The following CLEC19A variants were observed in gnomAD, a reference collection of about 807,000 sequenced individuals.
CLEC19A encodes C-type lectin domain containing 19A.
CLEC19A carries 21 observed loss-of-function variants against 26.1 expected under a neutral mutation model. The observed-to-expected ratio is 0.80, with a 90% CI of 0.57 to 1.16. The LOEUF is 1.16. CLEC19A is among the 50% of genes most tolerant of loss of function. CLEC19A has a pLI of 0.00. For missense variants in CLEC19A, 224 were observed against 227.6 expected (o/e 0.98, Z 0.10); for synonymous variants, 89 against 88.6 (o/e 1.00, Z -0.03).
chr16:19,307,508 G>A (rs1897981563), intron 3 of CLEC19A, 37 bp from the exon 4 acceptor site: 2 of 1,545,174 alleles, frequency 1.3e-6, no homozygotes, highest in African/African-American at 2.7e-5. Context: ...CTTCTTCTTG[G>A]CTTGCTTCTT....
chr16:19,286,218 G>A (rs986069590), intron 1 of CLEC19A, among the ~76,000 whole-genome samples: 3 of 152,200 alleles, frequency 2.0e-5, no homozygotes, highest in Non-Finnish European at 4.4e-5. Context: ...AAGTTGGGTC[G>A]CAATGGCATT....
chr16:19,293,836 G>A (rs1364625607), intron 1 of CLEC19A, among the ~76,000 whole-genome samples: 1 of 152,164 alleles, frequency 6.6e-6, no homozygotes, highest in Non-Finnish European at 1.5e-5. Context: ...CATACAGTGT[G>A]TAATAATCAC....
Position 19,307,517 on chromosome 16 carries a change from T to C in CLEC19A, c.349-28T>C, listed in dbSNP as rs776857639. ...CCTGATCTTCTTCTTGGCTTGCTTC[T>C]TTGTCTCTTTGGGTGGAACCCTCCC... is the stretch of plus-strand genomic sequence containing the variant. On this transcript the variant is annotated intron_variant, in intron 3 of 4. Coordinates refer to ENST00000636231, the MANE Select transcript of CLEC19A (RefSeq NM_001256720.2). 3 of 1,546,396 alleles carry C rather than the reference T, an allele frequency of 1.9e-6. No individual in the cohort carries two copies. The South Asian group carries it at 3.6e-5, about 18-fold the overall frequency.
intron 4 of CLEC19A, among the ~76,000 whole-genome samples, chr16:19,308,498 G>A (rs1898002610): frequency 6.6e-6 from 1 of 152,190 alleles, no homozygotes; most frequent in African/African-American, 2.4e-5. Flanking sequence ...GCATCATCAT[G>A]AATCATCACT....
chr16:19,287,021 CTTTT>C (rs550913735), intron 1 of CLEC19A, among the ~76,000 whole-genome samples: 1 of 123,148 alleles, frequency 8.1e-6, no homozygotes. Context: ...AGGTATCCTT[CTTTT>C]TTTTTTTTTT....
At chr16:19,301,189 A>ACTT (rs1454882726) in intron 2 of CLEC19A, among the ~76,000 whole-genome samples, 1 of 152,234 alleles carries the variant, frequency 6.6e-6, no homozygotes, top group African/African-American at 2.4e-5. Context: ...CCCTCATTGT[A>ACTT]CTTGCAACCT....
chr16:19,287,632 G>A (rs1567250695), intron 1 of CLEC19A, among the ~76,000 whole-genome samples: 1 of 152,318 alleles, frequency 6.6e-6, no homozygotes, highest in East Asian at 1.9e-4. Context: ...CAGCAAAAGT[G>A]GGAAGGGGCC....
chr16:19,309,118 A>C lies in CLEC19A; in HGVS notation c.*35A>C. On this transcript the variant is annotated 3_prime_UTR_variant, in exon 5 of 5. Transcript: ENST00000636231. ...GTCCTACTGGTGTGAGCTCAACTCTAGTATCATCTTGTAGCTGTAACCAGT... is the reference window on the plus strand; with the variant it reads ...GTCCTACTGGTGTGAGCTCAACTCTCGTATCATCTTGTAGCTGTAACCAGT... 2 of 1,452,276 alleles carry C rather than the reference A, an allele frequency of 1.4e-6. No individual in the cohort carries two copies. Among genetic ancestry groups the C allele is most frequent in the Admixed American group, 2.0e-5 (1 of 50,870 alleles). The allele number at this position is 1,452,276 out of a possible 1,614,324, so 90.0% of individuals were successfully genotyped here. A position where few individuals can be genotyped will look rare whatever the true frequency, so the allele number is the denominator to read the frequency against.
chr16:19,301,318 T>G (rs1897814376), intron 2 of CLEC19A, among the ~76,000 whole-genome samples: 1 of 152,128 alleles, frequency 6.6e-6, no homozygotes, highest in Non-Finnish European at 1.5e-5. Context: ...CATGGAAGCT[T>G]TCCTGGAAGT....
At chr16:19,304,190 G>A in intron 3 of CLEC19A, 35 bp downstream of exon 3, 1 of 1,510,720 alleles carries the variant, frequency 6.6e-7, no homozygotes, top group Non-Finnish European at 9.0e-7. Flanking sequence ...CCCCTTGGAA[G>A]CTCCAGCCAG....
chr16:19,307,826 T>TA, intron 4 of CLEC19A, 149 bp downstream of exon 4: 3 of 1,032,650 alleles, frequency 2.9e-6, no homozygotes, highest in South Asian at 3.3e-5. Context: ...TGGAGGTCAC[T>TA]AGGGTGTCGG....
chr16:19,287,390 A>G (rs1279735974), intron 1 of CLEC19A, among the ~76,000 whole-genome samples: 1 of 151,828 alleles, frequency 6.6e-6, no homozygotes, highest in East Asian at 1.9e-4. Context: ...AAATCTAATC[A>G]CTTCCCAAAG....
chr16:19,295,559 C>A (rs772120065), intron 1 of CLEC19A, among the ~76,000 whole-genome samples: 2 of 152,014 alleles, frequency 1.3e-5, no homozygotes. Context: ...GGCTTGGTCA[C>A]CCTACTTTCA....
At chr16:19,306,383 G>A (rs1897955253) in intron 3 of CLEC19A, among the ~76,000 whole-genome samples, 2 of 151,980 alleles carry the variant, frequency 1.3e-5, no homozygotes, top group African/African-American at 4.8e-5. Flanking sequence ...CTGGCTCCAA[G>A]TGATCCTCCC....
chr16:19,309,586 T>C lies in CLEC19A; in HGVS notation c.*503T>C, dbSNP rs1197643136. ...GGCTTAATGTACAGCGTGATGACTA[T>C]AGTTAATAATAATGTATTGTATTCC... On this transcript the variant is annotated 3_prime_UTR_variant, in exon 5 of 5. Transcript: ENST00000636231. The C allele has an allele frequency of 6.5e-6, 1 of 152,872 alleles. No homozygotes were observed. The highest frequency in any genetic ancestry group is 1.5e-5 in the Non-Finnish European group (1 of 68,644). 9.5% of individuals were successfully genotyped at this position (152,872 alleles called of 1,614,324 possible).
At chr16:19,308,335 C>T (rs146282322) in intron 4 of CLEC19A, among the ~76,000 whole-genome samples, 28 of 152,156 alleles carry the variant, frequency 1.8e-4, no homozygotes, top group African/African-American at 5.8e-4. Flanking sequence ...AATGTGTAGC[C>T]CAAAGAGAAT....
chr16:19,306,159 T>C (rs976648221), intron 3 of CLEC19A, among the ~76,000 whole-genome samples: 9 of 146,836 alleles, frequency 6.1e-5, no homozygotes, highest in African/African-American at 2.3e-4. Context: ...TTTTTTTTTT[T>C]CCTTGAGACA....
At chr16:19,303,974 A>G in intron 2 of CLEC19A, 88 bp from the exon 3 acceptor site, 1 of 1,090,566 alleles carries the variant, frequency 9.2e-7, no homozygotes, top group Non-Finnish European at 1.3e-6. Context: ...TGGTCCAGGA[A>G]GGTAAATATG....
intron 2 of CLEC19A, among the ~76,000 whole-genome samples, chr16:19,302,076 A>G (rs1439245122): frequency 6.6e-6 from 1 of 152,064 alleles, no homozygotes; most frequent in African/African-American, 2.4e-5. Flanking sequence ...TCTTTCTGAG[A>G]GTGAGCAAGG....
Sources: gnomAD v4.1 joint callset for allele counts (sites outside exome capture counted in the v4.1 genomes callset) on GRCh38, gnomAD v4.1.1 for gene constraint, MANE v1.5 for transcripts, NCBI Gene and HGNC (gene_info 2026-07-23, HGNC 2026-07-21) for gene names.